Variants in CPNE4 observed in about 807,000 individuals in gnomAD.
CPNE4 encodes copine-4.
A neutral mutation model predicts 67.9 loss-of-function variants in CPNE4; 25 were observed. The observed-to-expected ratio is 0.37, with a 90% CI of 0.27 to 0.51. The LOEUF (loss-of-function observed/expected upper bound fraction) is 0.51, where lower values mean the gene tolerates loss of function less well. CPNE4 is among the 20% of genes least tolerant of loss of function. The pLI is 0.93. For missense variants in CPNE4, 464 were observed against 690.8 expected (o/e 0.67, Z 3.68); for synonymous variants, 242 against 244.9 (o/e 0.99, Z 0.11).
chr3:131,770,005 A>G (rs1243072475), intron 2 of CPNE4, among the ~76,000 whole-genome samples: 1 of 152,092 alleles, frequency 6.6e-6, no homozygotes, highest in Non-Finnish European at 1.5e-5. Context: ...TGATGCATTC[A>G]CTTCAGTAAA....
At chr3:131,944,887 A>G (rs1280551695) in intron 1 of CPNE4, among the ~76,000 whole-genome samples, 1 of 152,168 alleles carries the variant, frequency 6.6e-6, no homozygotes, top group Non-Finnish European at 1.5e-5. Context: ...GAAATTAAGT[A>G]AAATCAACAC....
At chr3:132,016,079 G>T (rs2107682950) in intron 1 of CPNE4, among the ~76,000 whole-genome samples, 1 of 152,234 alleles carries the variant, frequency 6.6e-6, no homozygotes, top group Middle Eastern at 3.4e-3. Context: ...TATATAATTG[G>T]ACCATGTAAA....
chr3:131,926,723 C>G (rs1298439190), intron 1 of CPNE4, among the ~76,000 whole-genome samples: 1 of 152,110 alleles, frequency 6.6e-6, no homozygotes, highest in Non-Finnish European at 1.5e-5. Context: ...ATAATCCCAC[C>G]CTTTTAAACT....
chr3:131,733,974 C>G (rs1288517373), intron 2 of CPNE4, among the ~76,000 whole-genome samples: 1 of 152,226 alleles, frequency 6.6e-6, no homozygotes, highest in African/African-American at 2.4e-5. Context: ...CTGCCTCAAC[C>G]CTCCTCACGA....
chr3:131,815,801 C>T (rs1442534447), intron 2 of CPNE4, among the ~76,000 whole-genome samples: 1 of 152,194 alleles, frequency 6.6e-6, no homozygotes, highest in African/African-American at 2.4e-5. Context: ...GATCAGGAGG[C>T]AACCAGTGAC....
intron 7 of CPNE4, among the ~76,000 whole-genome samples, chr3:131,640,352 C>T (rs1302352475): frequency 6.6e-6 from 1 of 152,076 alleles, no homozygotes; most frequent in Non-Finnish European, 1.5e-5. Flanking sequence ...AGTAGCTCTG[C>T]TATACACCAG....
At chr3:131,960,741 G>A (rs2072143852) in intron 1 of CPNE4, among the ~76,000 whole-genome samples, 4 of 152,126 alleles carry the variant, frequency 2.6e-5, no homozygotes, top group Admixed American at 2.6e-4. Flanking sequence ...CTCAGTTAAT[G>A]CAGTTTCCAC....
At chr3:131,661,443 C>T (rs1211665602) in intron 7 of CPNE4, among the ~76,000 whole-genome samples, 1 of 152,178 alleles carries the variant, frequency 6.6e-6, no homozygotes, top group African/African-American at 2.4e-5. Flanking sequence ...CAGAAGCCTG[C>T]ATGATTTAAC....
chr3:131,916,611 A>G (rs541150507), intron 1 of CPNE4, among the ~76,000 whole-genome samples: 8 of 152,308 alleles, frequency 5.3e-5, no homozygotes, highest in Admixed American at 2.0e-4. Context: ...AAGTATAAAA[A>G]GAAATACCTT....
At chr3:131,720,941 T>C (rs1352333162) in intron 3 of CPNE4, among the ~76,000 whole-genome samples, 1 of 152,180 alleles carries the variant, frequency 6.6e-6, no homozygotes, top group Non-Finnish European at 1.5e-5. Context: ...TTAGAATGTG[T>C]TTCTCTTTCT....
intron 1 of CPNE4, among the ~76,000 whole-genome samples, chr3:131,956,372 A>AT (rs1315873983): frequency 6.6e-6 from 1 of 152,140 alleles, no homozygotes; most frequent in Non-Finnish European, 1.5e-5. Context: ...ATAAGGGCAT[A>AT]TTTGTGACTA....
chr3:131,855,850 T>G (rs1239178835), intron 2 of CPNE4, among the ~76,000 whole-genome samples: 1 of 151,986 alleles, frequency 6.6e-6, no homozygotes, highest in African/African-American at 2.4e-5. Flanking sequence ...TCATTATCTC[T>G]GCAGCCAAGC....
chr3:131,804,193 C>T (rs1008703026), intron 2 of CPNE4, among the ~76,000 whole-genome samples: 1 of 151,714 alleles, frequency 6.6e-6, no homozygotes, highest in Non-Finnish European at 1.5e-5. Context: ...TTTTCTCCTC[C>T]CTATTCATTC....
At chr3:131,810,393 T>A (rs545239489) in intron 2 of CPNE4, among the ~76,000 whole-genome samples, 2 of 151,896 alleles carry the variant, frequency 1.3e-5, no homozygotes, top group Non-Finnish European at 1.5e-5. Flanking sequence ...AATAACCTGA[T>A]TGTAAAATGG....
At chr3:131,612,454 G>A (rs1231872920) in intron 7 of CPNE4, among the ~76,000 whole-genome samples, 1 of 152,114 alleles carries the variant, frequency 6.6e-6, no homozygotes, top group Non-Finnish European at 1.5e-5. Flanking sequence ...CATGGCAATT[G>A]GGCCTCTGTG....
At chr3:131,756,091 C>T (rs939610679) in intron 2 of CPNE4, among the ~76,000 whole-genome samples, 7 of 152,002 alleles carry the variant, frequency 4.6e-5, no homozygotes, top group African/African-American at 9.7e-5. Flanking sequence ...AAAGAAACAG[C>T]GAGTAAAAAA....
At chr3:131,942,567 C>A (rs1051437313) in intron 1 of CPNE4, among the ~76,000 whole-genome samples, 1 of 149,338 alleles carries the variant, frequency 6.7e-6, no homozygotes. Context: ...TATTCCAGTG[C>A]CTTTGATCTG....
intron 2 of CPNE4, among the ~76,000 whole-genome samples, chr3:131,729,810 C>T (rs1205573696): frequency 2.0e-5 from 3 of 152,132 alleles, no homozygotes; most frequent in Non-Finnish European, 4.4e-5. Context: ...CTCACTAGTT[C>T]CTAGGACTAA....
chr3:131,813,160 T>A (rs908386723), intron 2 of CPNE4, among the ~76,000 whole-genome samples: 1 of 151,952 alleles, frequency 6.6e-6, no homozygotes, highest in Non-Finnish European at 1.5e-5. Flanking sequence ...CTTATTCCGA[T>A]AAAAATGGGA....
Sources: allele counts gnomAD v4.1 joint callset (sites outside exome capture counted in the v4.1 genomes callset), GRCh38; gene constraint gnomAD v4.1.1; transcripts MANE v1.5; gene names NCBI Gene and HGNC (gene_info 2026-07-23, HGNC 2026-07-21).